Variants in KIAA1328 observed in about 807,000 individuals in gnomAD.
KIAA1328 encodes the protein protein hinderin.
A neutral mutation model predicts 68.1 loss-of-function variants in KIAA1328; 52 were observed. That is an observed-to-expected ratio of 0.76 (90% confidence interval 0.61 to 0.96). The LOEUF (loss-of-function observed/expected upper bound fraction) is 0.96, where lower values mean the gene tolerates loss of function less well. KIAA1328 is among the 40% of genes least tolerant of loss of function. The probability of loss-of-function intolerance (pLI) is 0.00; values close to 1 mark genes in which losing one functional copy is unlikely to be tolerated. For missense variants in KIAA1328, 641 were observed against 677.6 expected (o/e 0.95, Z 0.60); for synonymous variants, 232 against 239.4 (o/e 0.97, Z 0.28).
intron 6 of KIAA1328, among the ~76,000 whole-genome samples, chr18:37,029,002 A>G (rs774073229): frequency 6.6e-6 from 1 of 152,014 alleles, no homozygotes; most frequent in Non-Finnish European, 1.5e-5. Flanking sequence ...TCTCTGCCAG[A>G]TTTTGGCGTC....
intron 3 of KIAA1328, among the ~76,000 whole-genome samples, chr18:36,837,758 G>A (rs1300382668): frequency 1.3e-5 from 2 of 151,856 alleles, no homozygotes; most frequent in African/African-American, 2.4e-5. Context: ...GTTAATTTTT[G>A]TATATGGGGT....
intron 7 of KIAA1328, among the ~76,000 whole-genome samples, chr18:37,103,796 T>C (rs1167252350): frequency 7.8e-6 from 1 of 128,222 alleles, no homozygotes; most frequent in African/African-American, 3.3e-5. Flanking sequence ...AATAGTTCAA[T>C]AGCAAATACA....
At chr18:36,983,259 A>G (rs1598890046) in intron 6 of KIAA1328, among the ~76,000 whole-genome samples, 1 of 152,104 alleles carries the variant, frequency 6.6e-6, no homozygotes, top group Admixed American at 6.6e-5. Context: ...GAAATAACCT[A>G]AAAGTATGTA....
intron 7 of KIAA1328, among the ~76,000 whole-genome samples, chr18:37,129,130 T>G (rs1257696551): frequency 6.6e-6 from 1 of 152,142 alleles, no homozygotes; most frequent in East Asian, 1.9e-4. Context: ...AACTTTGTAT[T>G]TTAAAAGGAT....
intron 6 of KIAA1328, among the ~76,000 whole-genome samples, chr18:37,033,930 G>A (rs943640412): frequency 5.3e-5 from 8 of 152,158 alleles, no homozygotes; most frequent in Admixed American, 1.3e-4. Context: ...ATAGCTGAAC[G>A]TATAAAATGT....
At chr18:36,875,875 G>T (rs2048105232) in intron 4 of KIAA1328, among the ~76,000 whole-genome samples, 1 of 152,202 alleles carries the variant, frequency 6.6e-6, no homozygotes, top group South Asian at 2.1e-4. Context: ...TTTTTAGCAT[G>T]AAAGGGTGTT....
chr18:36,989,897 G>A (rs2053104001), intron 6 of KIAA1328, among the ~76,000 whole-genome samples: 1 of 152,020 alleles, frequency 6.6e-6, no homozygotes, highest in Non-Finnish European at 1.5e-5. Context: ...GGTTTCACCT[G>A]TTAGCCAGGA....
intron 4 of KIAA1328, among the ~76,000 whole-genome samples, chr18:36,861,104 T>C (rs1200145495): frequency 1.3e-5 from 2 of 152,204 alleles, no homozygotes. Flanking sequence ...AGTATCCTGT[T>C]TTACATTCAG....
intron 7 of KIAA1328, among the ~76,000 whole-genome samples, chr18:37,098,103 A>G (rs2057470822): frequency 6.6e-6 from 1 of 152,156 alleles, no homozygotes; most frequent in African/African-American, 2.4e-5. Flanking sequence ...AGAACTTCCA[A>G]TACTATGTTG....
At chr18:37,095,198 C>T (rs1280030306) in intron 7 of KIAA1328, among the ~76,000 whole-genome samples, 5 of 152,154 alleles carry the variant, frequency 3.3e-5, no homozygotes, top group Non-Finnish European at 7.4e-5. Flanking sequence ...ATCAAGGAAA[C>T]ATCTGATTCA....
At chr18:37,128,264 T>G (rs2058439793) in intron 7 of KIAA1328, among the ~76,000 whole-genome samples, 1 of 151,778 alleles carries the variant, frequency 6.6e-6, no homozygotes, top group Non-Finnish European at 1.5e-5. Context: ...AGGCCAGGAG[T>G]TTAAGACCAG....
intron 6 of KIAA1328, among the ~76,000 whole-genome samples, chr18:37,059,795 C>T (rs2151703280): frequency 6.6e-6 from 1 of 152,222 alleles, no homozygotes; most frequent in South Asian, 2.1e-4. Context: ...AACACAAATG[C>T]CCATCAGTGA....
At chr18:36,885,072 G>C (rs906466585) in intron 4 of KIAA1328, among the ~76,000 whole-genome samples, 2 of 151,638 alleles carry the variant, frequency 1.3e-5, no homozygotes, top group African/African-American at 4.8e-5. Flanking sequence ...AAAGAATGCT[G>C]GGTATTGGTA....
At chr18:37,133,435 A>T (rs2058570277) in intron 7 of KIAA1328, among the ~76,000 whole-genome samples, 1 of 151,884 alleles carries the variant, frequency 6.6e-6, no homozygotes, top group Non-Finnish European at 1.5e-5. Context: ...ATTATGTTGT[A>T]TCTTGATTGT....
intron 5 of KIAA1328, among the ~76,000 whole-genome samples, chr18:36,901,407 T>A (rs1162909883): frequency 6.6e-6 from 1 of 152,082 alleles, no homozygotes; most frequent in Admixed American, 6.6e-5. Flanking sequence ...ACTATCAGCT[T>A]GTCCATGTGC....
At chr18:37,144,464 G>T (rs2058849027) in intron 7 of KIAA1328, among the ~76,000 whole-genome samples, 1 of 151,730 alleles carries the variant, frequency 6.6e-6, no homozygotes, top group Admixed American at 6.6e-5. Flanking sequence ...TGCTTCATAA[G>T]ATAGAATATT....
chr18:36,962,560 C>T (rs567138951), intron 6 of KIAA1328, among the ~76,000 whole-genome samples: 2 of 152,210 alleles, frequency 1.3e-5, no homozygotes, highest in East Asian at 1.9e-4. Flanking sequence ...AAATTGACTA[C>T]GTAATTGGAA....
chr18:36,913,210 T>C (rs565798980), intron 5 of KIAA1328, among the ~76,000 whole-genome samples: 4 of 152,142 alleles, frequency 2.6e-5, no homozygotes, highest in African/African-American at 9.6e-5. Flanking sequence ...GTGTTTCTGT[T>C]TATGTAATGT....
intron 1 of KIAA1328, 51 bp from the exon 2 acceptor site, chr18:36,834,269 T>G: frequency 1.4e-6 from 2 of 1,473,412 alleles, no homozygotes; most frequent in Non-Finnish European, 1.8e-6. Flanking sequence ...AGAAGCAGCA[T>G]TTGGATGCCG....
Sources: gnomAD v4.1 joint callset for allele counts (sites outside exome capture counted in the v4.1 genomes callset) on GRCh38, gnomAD v4.1.1 for gene constraint, MANE v1.5 for transcripts, NCBI Gene and HGNC (gene_info 2026-07-23, HGNC 2026-07-21) for gene names.